Variants in RORA observed in about 807,000 individuals in gnomAD.
RORA encodes nuclear receptor ROR-alpha.
Under a neutral mutation model 69.5 loss-of-function variants are expected in RORA, and 7 were observed. The observed-to-expected ratio is 0.10, with a 90% CI of 0.06 to 0.19. The LOEUF (loss-of-function observed/expected upper bound fraction) is 0.19. Ranked by LOEUF, RORA falls within the 10% of genes least tolerant of loss-of-function variation. The pLI is 1.00. For missense variants in RORA, 457 were observed against 663.0 expected, an observed-to-expected ratio of 0.69 and a Z score of 3.41; for synonymous variants, 261 against 240.8, an observed-to-expected ratio of 1.08 and a Z score of -0.78.
At chr15:61,096,128 T>G (rs79156357) in intron 1 of RORA, among the ~76,000 whole-genome samples, 1 of 152,172 alleles carries the variant, frequency 6.6e-6, no homozygotes, top group African/African-American at 2.4e-5. Flanking sequence ...CAAGACCCCA[T>G]GCGGACAGCA....
intron 2 of RORA, among the ~76,000 whole-genome samples, chr15:60,540,624 A>G (rs934740233): frequency 7.1e-6 from 1 of 140,744 alleles, no homozygotes; most frequent in African/African-American, 2.6e-5. Flanking sequence ...AGATGTGCAG[A>G]AATGGGTCAA....
intron 1 of RORA, among the ~76,000 whole-genome samples, chr15:60,713,562 A>G (rs1228029578): frequency 6.6e-6 from 1 of 152,020 alleles, no homozygotes; most frequent in Non-Finnish European, 1.5e-5. Context: ...CGTACATTCC[A>G]CTCTCCTCAC....
intron 1 of RORA, among the ~76,000 whole-genome samples, chr15:60,934,320 T>A (rs1015879323): frequency 6.6e-6 from 1 of 152,106 alleles, no homozygotes; most frequent in Non-Finnish European, 1.5e-5. Context: ...CCACTTTCCT[T>A]CAAGAGACTA....
chr15:60,505,984 C>T (rs1461583753), intron 5 of RORA, among the ~76,000 whole-genome samples: 1 of 152,208 alleles, frequency 6.6e-6, no homozygotes, highest in Non-Finnish European at 1.5e-5. Context: ...TATGAAGACA[C>T]ATCTGCCACA....
chr15:60,904,879 T>C (rs953731327), intron 1 of RORA, among the ~76,000 whole-genome samples: 1 of 152,058 alleles, frequency 6.6e-6, no homozygotes, highest in African/African-American at 2.4e-5. Flanking sequence ...TCAAGGCCAA[T>C]GTTGAAGACA....
At chr15:61,047,970 C>G (rs17303404) in intron 1 of RORA, among the ~76,000 whole-genome samples, 8,447 of 152,202 alleles carry the variant, frequency 0.055, 330 homozygotes, top group East Asian at 0.21. Flanking sequence ...GTTAAAACTC[C>G]CCAGAATGCA....
chr15:60,955,250 C>T (rs1486095738), intron 1 of RORA, among the ~76,000 whole-genome samples: 1 of 152,066 alleles, frequency 6.6e-6, no homozygotes, highest in East Asian at 1.9e-4. Flanking sequence ...TGCAGTGAGC[C>T]GAGATTGTGC....
intron 1 of RORA, among the ~76,000 whole-genome samples, chr15:61,032,015 A>G (rs547980366): frequency 7.2e-5 from 11 of 152,318 alleles, no homozygotes; most frequent in East Asian, 5.8e-4. Context: ...GTTTGTCTCA[A>G]AATAGTGTCT....
intron 2 of RORA, among the ~76,000 whole-genome samples, chr15:60,662,650 A>T (rs199581417): frequency 1.0e-3 from 152 of 151,442 alleles, no homozygotes; most frequent in African/African-American, 3.4e-3. Context: ...AGAAAAAAAC[A>T]TTTTTTTTTC....
chr15:60,530,820 G>C (rs974785413), intron 3 of RORA: 3 of 152,170 alleles, frequency 2.0e-5, no homozygotes, highest in African/African-American at 7.2e-5. Context: ...ATTCAGGCCT[G>C]GTTGTAGCAA....
intron 1 of RORA, among the ~76,000 whole-genome samples, chr15:61,205,415 C>T (rs2079931937): frequency 6.6e-6 from 1 of 152,212 alleles, no homozygotes; most frequent in Non-Finnish European, 1.5e-5. Flanking sequence ...CTCTGCCAAG[C>T]CACAGTCGCA....
rs1470355903 is a variant in RORA at position 61,212,160 on chromosome 15, C to T, written c.166+16893G>A. 3.9e-5 allele frequency among the ~76,000 whole-genome samples: 6 copies of T among 152,136 alleles called. No individual in the cohort carries two copies. In the East Asian group the frequency reaches 1.2e-3, roughly 29 times the overall value. ...CACAGCTACTATTCATTCCATTTCT[C>T]CCACCCTTAAGGTTCTGCCAAGTGT... is the stretch of plus-strand genomic sequence containing the variant. On this transcript the variant is annotated intron_variant, in intron 1 of 10. Coordinates refer to ENST00000335670, the MANE Select transcript of RORA (RefSeq NM_134261.3).
chr15:60,822,279 C>G (rs2072903172), intron 1 of RORA, among the ~76,000 whole-genome samples: 1 of 152,164 alleles, frequency 6.6e-6, no homozygotes, highest in African/African-American at 2.4e-5. Flanking sequence ...CCAAGGAGTG[C>G]TATGACTTGC....
At chr15:60,621,748 A>G (rs2069413612) in intron 2 of RORA, among the ~76,000 whole-genome samples, 1 of 152,108 alleles carries the variant, frequency 6.6e-6, no homozygotes, top group Non-Finnish European at 1.5e-5. Flanking sequence ...TCTACACTGA[A>G]AAAGAGTAAA....
chr15:60,979,281 TTTTTTTTTTTC>T (rs1374553910), intron 1 of RORA, among the ~76,000 whole-genome samples: 3 of 120,876 alleles, frequency 2.5e-5, no homozygotes, highest in Non-Finnish European at 3.7e-5. Flanking sequence ...TTTTTTTTTT[TTTTTTTTTTTC>T]CAAGAATATT....
chr15:61,097,449 C>T (rs1490065407), intron 1 of RORA, among the ~76,000 whole-genome samples: 2 of 151,916 alleles, frequency 1.3e-5, no homozygotes, highest in Non-Finnish European at 2.9e-5. Context: ...CCTCCCTTCA[C>T]AGTAGCCACC....
At chr15:60,574,838 T>G (rs2067980815) in intron 2 of RORA, among the ~76,000 whole-genome samples, 1 of 152,108 alleles carries the variant, frequency 6.6e-6, no homozygotes. Context: ...GACTTAAGCC[T>G]TATATTTGGA....
At chr15:60,800,526 TAA>T (rs1341673876) in intron 1 of RORA, among the ~76,000 whole-genome samples, 1 of 152,188 alleles carries the variant, frequency 6.6e-6, no homozygotes, top group Non-Finnish European at 1.5e-5. Flanking sequence ...CCTTTGATGT[TAA>T]AAAGAGAACC....
chr15:61,023,081 G>T (rs57058589), intron 1 of RORA, among the ~76,000 whole-genome samples: 38 of 150,870 alleles, frequency 2.5e-4, no homozygotes, highest in African/African-American at 7.1e-4. Context: ...CCAGCTACTC[G>T]GGAGGCTGAG....
Sources: allele counts gnomAD v4.1 joint callset (sites outside exome capture counted in the v4.1 genomes callset), GRCh38; gene constraint gnomAD v4.1.1; transcripts MANE v1.5; gene names NCBI Gene and HGNC (gene_info 2026-07-23, HGNC 2026-07-21).